The following ANKS3 variants were observed in gnomAD, a reference collection of about 807,000 sequenced individuals.
The protein encoded by ANKS3 is ankyrin repeat and sterile alpha motif domain containing 3.
In ANKS3, 62 loss-of-function variants were observed where a neutral mutation model predicts 80.7. The observed-to-expected ratio is 0.77, with a 90% CI of 0.63 to 0.95. The LOEUF (loss-of-function observed/expected upper bound fraction) is 0.95. Ranked by LOEUF, ANKS3 falls within the 40% of genes least tolerant of loss-of-function variation. The pLI is 0.00. For synonymous variants in ANKS3, 489 were observed against 355.3 expected, an observed-to-expected ratio of 1.38 and a Z score of -4.23; for missense variants, 1,150 against 883.6, an observed-to-expected ratio of 1.30 and a Z score of -3.82.
In ANKS3 at chr16:4,727,464, A is replaced by C. The variant is rs1367383030; in HGVS notation, c.171-287T>G. On this transcript the variant is annotated intron_variant, in intron 3 of 17. Coordinates refer to ENST00000304283, the MANE Select transcript of ANKS3 (RefSeq NM_133450.4). Reference sequence around the variant, plus strand: ...ACCACCAGATAGGCAGATGGCACTCAACCAGGGAATATGTGGCAATGTGTG... The same window carrying C: ...ACCACCAGATAGGCAGATGGCACTCCACCAGGGAATATGTGGCAATGTGTG... 3 of 502,168 alleles carry C rather than the reference A, an allele frequency of 6.0e-6. No individual in the cohort carries two copies. In the East Asian group the frequency reaches 1.1e-4, roughly 18 times the overall value. The allele number at this position is 502,168 out of a possible 1,614,324, so 31.1% of individuals were successfully genotyped here. A position where few individuals can be genotyped will look rare whatever the true frequency, so the allele number is the denominator to read the frequency against.
At chr16:4,717,014 C>G (rs935789481) in intron 6 of ANKS3, among the ~76,000 whole-genome samples, 11 of 151,730 alleles carry the variant, frequency 7.2e-5, no homozygotes, top group Non-Finnish European at 1.6e-4. Flanking sequence ...GGTGGATCAC[C>G]TGAGGTCAGG....
At chr16:4,720,715 A>G (rs1400032774) in intron 6 of ANKS3, among the ~76,000 whole-genome samples, 2 of 147,670 alleles carry the variant, frequency 1.4e-5, no homozygotes, top group African/African-American at 2.5e-5. Context: ...CCAAAGTGGT[A>G]GATCACTTGA....
At chr16:4,698,350 G>A (rs192026783) in intron 14 of ANKS3, 77 bp downstream of exon 14, 28,005 of 1,428,080 alleles carry the variant, frequency 0.02, 341 homozygotes, top group Non-Finnish European at 0.023. Context: ...AAATCAGGAG[G>A]AAAGGATGTG....
At position 4,731,560 on chromosome 16, in the gene ANKS3, C is replaced by G. The variant is rs887053339; in HGVS notation, c.-51G>C. 2.7e-5 allele frequency: 24 copies of G among 881,474 alleles called. No homozygotes were observed. Among genetic ancestry groups the G allele is most frequent in the Non-Finnish European group, 2.9e-5 (21 of 735,446 alleles). 54.6% of individuals were successfully genotyped at this position (881,474 alleles called of 1,614,324 possible). A position where few individuals can be genotyped will look rare whatever the true frequency, so the allele number is the denominator to read the frequency against. On this transcript the variant is annotated 5_prime_UTR_variant, in exon 2 of 18. Transcript: ENST00000304283. ...CCTCTCAAAGTCCTGGAAATATAGG[C>G]GTGAGCCACTGCACCTGGCCTGTAA...
rs1375990868 is a variant in ANKS3, at chr16:4,696,585, C to A, written c.*323G>T. ...CCAGTCCTCATTCCTAAGGTCCCAC[C>A]TCAGTTGGCACCTGTGCGTGTATAT... On this transcript the variant is annotated 3_prime_UTR_variant, in exon 18 of 18. Transcript: ENST00000304283. 5.3e-6 allele frequency: 1 copy of A among 190,160 alleles called. No homozygotes were observed. Among genetic ancestry groups the A allele is most frequent in the Non-Finnish European group, 1.1e-5 (1 of 92,066 alleles). The allele number at this position is 190,160 out of a possible 1,614,324, so 11.8% of individuals were successfully genotyped here.
At chr16:4,709,217 A>G (rs2142067722) in intron 7 of ANKS3, among the ~76,000 whole-genome samples, 1 of 151,720 alleles carries the variant, frequency 6.6e-6, no homozygotes, top group South Asian at 2.1e-4. Flanking sequence ...GACCACCCTG[A>G]CCAACATGGA....
At chr16:4,727,297 C>T in intron 3 of ANKS3, 120 bp from the exon 4 acceptor site, 5 of 1,009,528 alleles carry the variant, frequency 5.0e-6, no homozygotes, top group South Asian at 4.5e-5. Context: ...TTATCTGCCA[C>T]CCTGGACGTT....
chr16:4,711,860 A>G (rs1008962489), intron 7 of ANKS3, among the ~76,000 whole-genome samples: 12 of 152,170 alleles, frequency 7.9e-5, no homozygotes, highest in African/African-American at 2.7e-4. Flanking sequence ...GAGGAGGCCA[A>G]TCTCTATAGA....
intron 9 of ANKS3, 119 bp from the exon 10 acceptor site, chr16:4,701,662 CT>C: frequency 1.2e-6 from 1 of 825,220 alleles, no homozygotes; most frequent in Non-Finnish European, 1.8e-6. Context: ...CGGTTGCTTC[CT>C]TATATTTCAA....
In ANKS3 at chr16:4,729,993, C is replaced by A; in HGVS notation, c.157G>T (p.Glu53Ter). Reference sequence around the variant, plus strand: ...GAGATCTCTTACCGCTGCACACACTCCTTCACCACTTCATACTGGCCAATG... The same window carrying A: ...GAGATCTCTTACCGCTGCACACACTACTTCACCACTTCATACTGGCCAATG... Reference protein sequence around the residue: ...ASIGQYEVVKECVQRRELDLN... With the variant: ...ASIGQYEVVK The change falls in exon 3 of 18, where the codon GAG becomes TAG. Residue 53 changes from glutamate (E) to a stop codon, truncating the protein, a stop_gained. Transcript: ENST00000304283. LOFTEE classifies it high-confidence loss of function. 1 of 1,529,198 alleles carries A rather than the reference C, an allele frequency of 6.5e-7. No homozygotes were observed. The highest frequency in any genetic ancestry group is 1.9e-5 in the Admixed American group (1 of 52,516). 94.7% of individuals were successfully genotyped at this position (1,529,198 alleles called of 1,614,324 possible). A position where few individuals can be genotyped will look rare whatever the true frequency, so the allele number is the denominator to read the frequency against.
At chr16:4,721,305 A>AC (rs1345836840) in intron 6 of ANKS3, among the ~76,000 whole-genome samples, 1 of 133,666 alleles carries the variant, frequency 7.5e-6, no homozygotes, top group East Asian at 2.1e-4. Context: ...ACGCCATCTC[A>AC]AAAAAAAAAA....
chr16:4,704,275 GTGGACCCC>G (rs1253300343), intron 8 of ANKS3, among the ~76,000 whole-genome samples: 5 of 152,174 alleles, frequency 3.3e-5, no homozygotes, highest in Admixed American at 6.5e-5. Flanking sequence ...TCAATTACTG[GTGGACCCC>G]TGGCTGAAAC....
At chr16:4,699,287 C>T in intron 11 of ANKS3, 111 bp from the exon 12 acceptor site, 1 of 1,438,104 alleles carries the variant, frequency 7.0e-7, no homozygotes, top group Non-Finnish European at 9.4e-7. Context: ...CAAGACAGTG[C>T]CTTGTGTGTG....
intron 9 of ANKS3, 88 bp from the exon 10 acceptor site, chr16:4,701,631 G>GCCCCAAGGAGTGCCCTGGT: frequency 8.7e-7 from 1 of 1,155,942 alleles, no homozygotes; most frequent in African/African-American, 1.5e-5. Flanking sequence ...CCTCCACCAG[G>GCCCCAAGGAGTGCCCTGGT]GCACTCCTTG....
intron 8 of ANKS3, among the ~76,000 whole-genome samples, chr16:4,703,044 T>TA (rs908688295): frequency 6.6e-6 from 1 of 152,236 alleles, no homozygotes; most frequent in Non-Finnish European, 1.5e-5. Flanking sequence ...ATGGGGAACT[T>TA]ACTTTCCTCT....
intron 3 of ANKS3, among the ~76,000 whole-genome samples, chr16:4,729,054 C>A (rs2081495832): frequency 6.6e-6 from 1 of 152,202 alleles, no homozygotes; most frequent in Admixed American, 6.5e-5. Flanking sequence ...AACCAGGAGA[C>A]AGAGTTAGGC....
Position 4,699,040 on chromosome 16 carries a change from T to C in ANKS3, c.1409+12A>G, listed in dbSNP as rs537329747. 1 of 1,614,150 alleles carries C rather than the reference T, an allele frequency of 6.2e-7. No homozygotes were observed. The highest frequency in any genetic ancestry group is 1.1e-5 in the South Asian group (1 of 91,086). The stretch of plus-strand genomic sequence containing the variant: ...CCCGGGCTGAGGGCCAGAGCGGCCC[T>C]TCTGGACGCACGTGATGCCAATTTC... On this transcript the variant is annotated intron_variant, in intron 12 of 17. Transcript: ENST00000304283.
At chr16:4,701,783 G>A (rs1276662098) in intron 9 of ANKS3, 1 of 510,600 alleles carries the variant, frequency 2.0e-6, no homozygotes, top group South Asian at 3.2e-5. Flanking sequence ...CACACGGTGG[G>A]CACTATGGAA....
chr16:4,727,308 G>T (rs911854594), intron 3 of ANKS3, 131 bp from the exon 4 acceptor site: 1 of 916,880 alleles, frequency 1.1e-6, no homozygotes. Context: ...CCTGGACGTT[G>T]TGGGGATTGG....
Sources: allele counts gnomAD v4.1 joint callset (sites outside exome capture counted in the v4.1 genomes callset), GRCh38; gene constraint gnomAD v4.1.1; transcripts MANE v1.5; gene names NCBI Gene and HGNC (gene_info 2026-07-23, HGNC 2026-07-21).